The following C12orf54 variants were observed in gnomAD, a reference collection of about 807,000 sequenced individuals.
C12orf54 encodes the protein uncharacterized protein C12orf54.
A neutral mutation model predicts 26.4 loss-of-function variants in C12orf54; 24 were observed. The observed-to-expected ratio is 0.91, with a 90% confidence interval of 0.66 to 1.28. C12orf54 has a LOEUF of 1.28. Among genes scored for constraint, C12orf54 ranks in the 50% most tolerant of loss-of-function variants. The probability of loss-of-function intolerance (pLI) is 0.00; values close to 1 mark genes in which losing one functional copy is unlikely to be tolerated. For missense variants in C12orf54, 154 were observed against 150.9 expected (o/e 1.02, Z -0.11); for synonymous variants, 54 against 47.0 (o/e 1.15, Z -0.61).
chr12:48,470,912 C>A, the C12orf54 span, among the ~76,000 whole-genome samples: 2 of 152,052 alleles, frequency 1.3e-5, no homozygotes, highest in African/African-American at 4.8e-5. Flanking sequence ...GAAATAAGCA[C>A]ATCATGGATA....
At chr12:48,475,893 G>T in the C12orf54 span, among the ~76,000 whole-genome samples, 2 of 151,992 alleles carry the variant, frequency 1.3e-5, no homozygotes, top group East Asian at 3.9e-4. Flanking sequence ...GAAATACAGA[G>T]AACGCCACAA....
chr12:48,446,470 G>A, the C12orf54 span, among the ~76,000 whole-genome samples: 1 of 152,238 alleles, frequency 6.6e-6, no homozygotes, highest in East Asian at 1.9e-4. Context: ...GCTAACAAAG[G>A]AGGCGCAGGT....
At chr12:48,443,577 G>C in the C12orf54 span, among the ~76,000 whole-genome samples, 1 of 152,154 alleles carries the variant, frequency 6.6e-6, no homozygotes, top group Non-Finnish European at 1.5e-5. Context: ...TGCTATGTAA[G>C]TGATCATGAG....
chr12:48,467,922 A>T, the C12orf54 span, among the ~76,000 whole-genome samples: 5 of 152,142 alleles, frequency 3.3e-5, no homozygotes, highest in African/African-American at 1.2e-4. Context: ...CCTCTGTAGG[A>T]TGCCCTTGTA....
the C12orf54 span, among the ~76,000 whole-genome samples, chr12:48,420,201 G>T: frequency 6.6e-6 from 1 of 152,096 alleles, no homozygotes; most frequent in Admixed American, 6.5e-5. Context: ...CCCAGTGGGT[G>T]GGCAGCTGAG....
the C12orf54 span, among the ~76,000 whole-genome samples, chr12:48,449,738 A>T: frequency 6.6e-6 from 1 of 152,206 alleles, no homozygotes; most frequent in Admixed American, 6.5e-5. Context: ...TAATTAATGG[A>T]TATTAATAAA....
the C12orf54 span, among the ~76,000 whole-genome samples, chr12:48,449,631 C>A: frequency 6.6e-6 from 1 of 152,122 alleles, no homozygotes; most frequent in African/African-American, 2.4e-5. Flanking sequence ...CTTACTATTT[C>A]CAGTTTGCTA....
chr12:48,430,848 G>T, the C12orf54 span, among the ~76,000 whole-genome samples: 1 of 152,150 alleles, frequency 6.6e-6, no homozygotes, highest in Non-Finnish European at 1.5e-5. Context: ...ACTTGCACAT[G>T]CATGCTTATA....
At chr12:48,471,627 G>A in the C12orf54 span, among the ~76,000 whole-genome samples, 1 of 151,952 alleles carries the variant, frequency 6.6e-6, no homozygotes, top group African/African-American at 2.4e-5. Context: ...TGTTTTTCTT[G>A]GTCTTGTCAA....
the C12orf54 span, among the ~76,000 whole-genome samples, chr12:48,423,105 C>A: frequency 6.6e-6 from 1 of 152,052 alleles, no homozygotes; most frequent in African/African-American, 2.4e-5. Context: ...ACAGTTTACA[C>A]CCATCTTGTA....
the C12orf54 span, among the ~76,000 whole-genome samples, chr12:48,453,539 A>G: frequency 5.9e-5 from 7 of 119,236 alleles, 1 homozygote; most frequent in African/African-American, 2.7e-4. Context: ...ATATACACAT[A>G]CATATATATA....
chr12:48,481,903 T>C (rs1237831288), upstream of C12orf54, among the ~76,000 whole-genome samples: 1 of 152,186 alleles, frequency 6.6e-6, no homozygotes, highest in Non-Finnish European at 1.5e-5. Context: ...CTTGGTTCCT[T>C]CTGTTCTTAG....
intron 1 of C12orf54, among the ~76,000 whole-genome samples, 158 bp from the exon 2 acceptor site, chr12:48,483,082 A>G (rs1954216092): frequency 1.3e-5 from 2 of 152,136 alleles, no homozygotes; most frequent in Non-Finnish European, 2.9e-5. Context: ...GCATATGCAC[A>G]CATACATGCA....
At chr12:48,451,289 A>C in the C12orf54 span, among the ~76,000 whole-genome samples, 2 of 152,054 alleles carry the variant, frequency 1.3e-5, no homozygotes, top group Non-Finnish European at 2.9e-5. Context: ...ACATCCCTTC[A>C]TATTAAAAAA....
the C12orf54 span, among the ~76,000 whole-genome samples, chr12:48,459,374 G>T: frequency 1.3e-5 from 2 of 151,100 alleles, no homozygotes; most frequent in African/African-American, 2.4e-5. Flanking sequence ...GTGAGTGGCG[G>T]TGATGTGTCA....
chr12:48,421,800 G>T, the C12orf54 span, among the ~76,000 whole-genome samples: 7 of 152,112 alleles, frequency 4.6e-5, no homozygotes, highest in Non-Finnish European at 8.8e-5. Context: ...AAAGTGCTGG[G>T]ATTACAGGCG....
At chr12:48,446,245 A>G in the C12orf54 span, among the ~76,000 whole-genome samples, 1 of 152,168 alleles carries the variant, frequency 6.6e-6, no homozygotes, top group African/African-American at 2.4e-5. Context: ...GAAATACATA[A>G]GCTCATTCCT....
intron 5 of C12orf54, 112 bp from the exon 6 acceptor site, chr12:48,490,700 A>T: frequency 1.6e-6 from 2 of 1,246,474 alleles, no homozygotes; most frequent in Non-Finnish European, 1.1e-6. Flanking sequence ...CAAGAAGCCC[A>T]TATTTTCCCA....
the C12orf54 span, among the ~76,000 whole-genome samples, chr12:48,415,206 G>C: frequency 1.3e-5 from 2 of 152,112 alleles, no homozygotes; most frequent in East Asian, 3.9e-4. Context: ...ATTTTTTCAC[G>C]TACTAAAAAC....
Sources: allele counts gnomAD v4.1 joint callset (sites outside exome capture counted in the v4.1 genomes callset), GRCh38; gene constraint gnomAD v4.1.1; transcripts MANE v1.5; gene names NCBI Gene and HGNC (gene_info 2026-07-23, HGNC 2026-07-21).